Variants in OPCML observed in about 807,000 individuals in gnomAD.
OPCML encodes the protein opioid-binding protein/cell adhesion molecule.
In OPCML, 13 loss-of-function variants were observed where a neutral mutation model predicts 37.8. The ratio of observed to expected loss-of-function variants is 0.34; its 90% CI spans 0.22 to 0.55. The LOEUF (loss-of-function observed/expected upper bound fraction) is 0.55. Among genes scored for constraint, OPCML ranks in the 20% least tolerant of loss-of-function variants. OPCML has a pLI of 0.91. For synonymous variants in OPCML, 176 were observed against 168.8 expected, an observed-to-expected ratio of 1.04 and a Z score of -0.33; for missense variants, 341 against 435.6, an observed-to-expected ratio of 0.78 and a Z score of 1.93.
At chr11:133,178,459 A>C (rs986262823) in intron 1 of OPCML, among the ~76,000 whole-genome samples, 9 of 152,036 alleles carry the variant, frequency 5.9e-5, no homozygotes, top group African/African-American at 2.2e-4. Flanking sequence ...ATATGAATAT[A>C]TGTATATATA....
At chr11:132,838,486 T>A (rs765983613) in intron 2 of OPCML, among the ~76,000 whole-genome samples, 30 of 152,128 alleles carry the variant, frequency 2.0e-4, no homozygotes, top group Non-Finnish European at 4.3e-4. Flanking sequence ...TTCACAATAC[T>A]ACAGAAGAAC....
At position 132,985,141 on chromosome 11, in the gene OPCML, A is replaced by G. The variant is rs1946662854; in HGVS notation, c.62-42131T>C. On this transcript the variant is annotated intron_variant, in intron 1 of 7. Coordinates refer to ENST00000524381, the MANE Select transcript of OPCML (RefSeq NM_001012393.5). ...AAGACACCCATGGCCTCCTGTGTTC[A>G]ATTCTTATTGTTATATAACAAATTC... Among the ~76,000 whole-genome samples the G allele has an allele frequency of 5.3e-5, 8 of 152,192 alleles. No homozygotes were observed. In the South Asian group the frequency reaches 1.7e-3, roughly 32 times the overall value.
At chr11:133,050,991 A>T (rs1253298469) in intron 1 of OPCML, among the ~76,000 whole-genome samples, 1 of 152,010 alleles carries the variant, frequency 6.6e-6, no homozygotes, top group African/African-American at 2.4e-5. Context: ...AATATTTTGC[A>T]TACAGCCAGA....
intron 1 of OPCML, among the ~76,000 whole-genome samples, chr11:133,376,177 G>A (rs1944799492): frequency 6.8e-6 from 1 of 146,268 alleles, no homozygotes; most frequent in African/African-American, 2.7e-5. Flanking sequence ...TTACACAAGA[G>A]TAAAAAATTG....
At chr11:132,811,564 G>A (rs920115767) in intron 2 of OPCML, among the ~76,000 whole-genome samples, 4 of 152,054 alleles carry the variant, frequency 2.6e-5, no homozygotes, top group Non-Finnish European at 4.4e-5. Flanking sequence ...TTTCGGTTAC[G>A]GTTTTGTGTA....
chr11:133,397,281 T>C (rs1945308183), intron 1 of OPCML, among the ~76,000 whole-genome samples: 1 of 152,148 alleles, frequency 6.6e-6, no homozygotes, highest in African/African-American at 2.4e-5. Flanking sequence ...GGATATAGAG[T>C]CACTGGTACT....
At chr11:133,515,334 G>A (rs1258160621) in intron 1 of OPCML, among the ~76,000 whole-genome samples, 1 of 152,192 alleles carries the variant, frequency 6.6e-6, no homozygotes, top group Non-Finnish European at 1.5e-5. Context: ...TTGCTCCCCA[G>A]GGGGCATTTG....
chr11:133,167,073 G>GT (rs1950217756), intron 1 of OPCML, among the ~76,000 whole-genome samples: 1 of 152,086 alleles, frequency 6.6e-6, no homozygotes, highest in African/African-American at 2.4e-5. Flanking sequence ...CCACAAAATG[G>GT]TTTACAAGAG....
intron 1 of OPCML, chr11:133,418,211 A>G (rs1945809234): frequency 1.0e-6 from 1 of 985,288 alleles, no homozygotes; most frequent in Non-Finnish European, 1.2e-6. Context: ...TCCACCTGAT[A>G]GGTGTGGTGA....
At chr11:132,840,727 T>C (rs959185423) in intron 2 of OPCML, among the ~76,000 whole-genome samples, 1 of 152,174 alleles carries the variant, frequency 6.6e-6, no homozygotes, top group African/African-American at 2.4e-5. Flanking sequence ...GCTTTTATAA[T>C]TTTATCCTTT....
rs1326974912 is a variant in OPCML, at chr11:133,211,065, GAAATGA to G, written c.62-268061_62-268056del. Among the ~76,000 whole-genome samples, 1 of 152,188 alleles carries G rather than the reference GAAATGA, an allele frequency of 6.6e-6. No homozygotes were observed. The highest frequency in any genetic ancestry group is 1.5e-5 in the Non-Finnish European group (1 of 68,024). ...TACAAACTATAACCACCTAGTAATAGAAATGAAATGAGGCATCATTCAAAACAGAGG... is the reference window on the plus strand; with the variant it reads ...TACAAACTATAACCACCTAGTAATAGAATGAGGCATCATTCAAAACAGAGG... On this transcript the variant is annotated intron_variant, in intron 1 of 7. Transcript: ENST00000524381. This position sits in a 1 kb window ranked among gnomAD's most constrained non-coding sequence, Gnocchi z 4.1.
chr11:132,923,905 A>G (rs900848765), intron 2 of OPCML, among the ~76,000 whole-genome samples: 5 of 151,842 alleles, frequency 3.3e-5, no homozygotes, highest in African/African-American at 1.2e-4. Flanking sequence ...CTAGGAGTAC[A>G]GGCTTGTGTC....
At chr11:133,248,421 T>G (rs1941023601) in intron 1 of OPCML, among the ~76,000 whole-genome samples, 1 of 152,200 alleles carries the variant, frequency 6.6e-6, no homozygotes, top group Non-Finnish European at 1.5e-5. Flanking sequence ...GGTAAACATT[T>G]GAAAAAATTT....
intron 2 of OPCML, among the ~76,000 whole-genome samples, chr11:132,856,548 C>A (rs1381264183): frequency 6.6e-6 from 1 of 152,164 alleles, no homozygotes; most frequent in East Asian, 1.9e-4. Context: ...TAGAAAACAG[C>A]TGAAGCTGGT....
intron 2 of OPCML, among the ~76,000 whole-genome samples, chr11:132,911,069 C>A (rs1175969583): frequency 6.6e-6 from 1 of 152,234 alleles, no homozygotes; most frequent in Non-Finnish European, 1.5e-5. Flanking sequence ...ATTAACGCTG[C>A]AACAGCAACC....
chr11:133,204,923 G>GTGTGT (rs1938997757), intron 1 of OPCML, among the ~76,000 whole-genome samples: 1 of 101,300 alleles, frequency 9.9e-6, no homozygotes, highest in African/African-American at 3.5e-5. Context: ...TACACATTTA[G>GTGTGT]ATATGGTCTT....
intron 2 of OPCML, among the ~76,000 whole-genome samples, chr11:132,869,519 TA>T (rs77090401): frequency 1.7e-4 from 26 of 151,256 alleles, no homozygotes; most frequent in South Asian, 4.2e-4. Context: ...CACAAATGGT[TA>T]AAAAAAAATG....
At chr11:133,453,590 A>C (rs1457730164) in intron 1 of OPCML, among the ~76,000 whole-genome samples, 1 of 152,178 alleles carries the variant, frequency 6.6e-6, no homozygotes, top group African/African-American at 2.4e-5. Flanking sequence ...CCCTGTGCTG[A>C]GCTGTCAGCC....
chr11:133,494,102 A>G (rs2120471130), intron 1 of OPCML, among the ~76,000 whole-genome samples: 1 of 151,666 alleles, frequency 6.6e-6, no homozygotes, highest in Admixed American at 6.6e-5. Flanking sequence ...TTATGCAGCC[A>G]AAAAAACACA....
Sources: gnomAD v4.1 joint callset for allele counts (sites outside exome capture counted in the v4.1 genomes callset) on GRCh38, gnomAD v4.1.1 for gene constraint, Gnocchi (gnomAD v3.1) non-coding constraint, MANE v1.5 for transcripts, NCBI Gene and HGNC (gene_info 2026-07-23, HGNC 2026-07-21) for gene names.